Variants in CACNB2 observed in about 807,000 individuals in gnomAD.
CACNB2 encodes voltage-dependent L-type calcium channel subunit beta-2.
Under a neutral mutation model 73.3 loss-of-function variants are expected in CACNB2, and 42 were observed. That is an observed-to-expected ratio of 0.57 (90% CI 0.45 to 0.74). The LOEUF (loss-of-function observed/expected upper bound fraction) is 0.74. CACNB2 is among the 30% of genes least tolerant of loss of function. The pLI is 0.00. For missense variants in CACNB2, 940 were observed against 853.0 expected (o/e 1.10, Z -1.27); for synonymous variants, 348 against 310.3 (o/e 1.12, Z -1.28).
intron 2 of CACNB2, among the ~76,000 whole-genome samples, chr10:18,193,739 G>A (rs1394525070): frequency 3.3e-5 from 5 of 152,098 alleles, no homozygotes; most frequent in Non-Finnish European, 7.4e-5. Flanking sequence ...AAGCTTTCTG[G>A]ACAAACAGAT....
intron 2 of CACNB2, among the ~76,000 whole-genome samples, chr10:18,196,718 A>G (rs2034642785): frequency 6.6e-6 from 1 of 152,176 alleles, no homozygotes; most frequent in Non-Finnish European, 1.5e-5. Context: ...AAACAAACTC[A>G]TCTTCCTTCC....
intron 3 of CACNB2, among the ~76,000 whole-genome samples, chr10:18,494,619 G>A (rs1476664017): frequency 2.2e-5 from 3 of 138,502 alleles, no homozygotes; most frequent in East Asian, 2.1e-4. Context: ...GTGACAGAGT[G>A]AGACTCCGTC....
Position 18,413,075 on chromosome 10 carries a change from G to A in CACNB2, c.333+11032G>A, listed in dbSNP as rs12242405. Among the ~76,000 whole-genome samples the A allele has an allele frequency of 6.1e-3, 924 of 152,248 alleles. 7 individuals are homozygous for A. The highest frequency in any genetic ancestry group is 0.021 in the African/African-American group (875 of 41,546). On this transcript the variant is annotated intron_variant, in intron 3 of 13. Coordinates refer to ENST00000324631, the MANE Select transcript of CACNB2 (RefSeq NM_201596.3). ...AACTTCTGCCCCCCGGGTTCAAGTC[G>A]TTCTCCTGCCTCAGCCTTCCAAGTA...
At chr10:18,156,550 T>C (rs2032055828) in intron 2 of CACNB2, among the ~76,000 whole-genome samples, 2 of 152,198 alleles carry the variant, frequency 1.3e-5, no homozygotes, top group Non-Finnish European at 2.9e-5. Context: ...ATAGGGGTCA[T>C]TGGCTGTGCG....
At chr10:18,263,635 C>G (rs948048436) in intron 2 of CACNB2, among the ~76,000 whole-genome samples, 1 of 152,190 alleles carries the variant, frequency 6.6e-6, no homozygotes. Flanking sequence ...TCCTCCTACT[C>G]AAACATTGTC....
In CACNB2 at chr10:18,212,135, G is replaced by A. The variant is rs370942237; in HGVS notation, c.213+61160G>A. Reference sequence around the variant, plus strand: ...CAGTGGGGAAGTTCTGCTTAAGGCCGACCTTGGAGTGGAATGGCTTAGTTG... The same window carrying A: ...CAGTGGGGAAGTTCTGCTTAAGGCCAACCTTGGAGTGGAATGGCTTAGTTG... On this transcript the variant is annotated intron_variant, in intron 2 of 13. Transcript: ENST00000324631. Among the ~76,000 whole-genome samples the A allele has an allele frequency of 7.9e-5, 12 of 152,222 alleles. No individual in the cohort carries two copies. In the East Asian group the frequency reaches 1.5e-3, roughly 20 times the overall value.
intron 2 of CACNB2, among the ~76,000 whole-genome samples, chr10:18,269,907 G>T (rs1277742): frequency 6.6e-6 from 1 of 152,050 alleles, no homozygotes; most frequent in Non-Finnish European, 1.5e-5. Flanking sequence ...AATCATGTTC[G>T]ATCATTGCTA....
At chr10:18,430,286 A>C (rs1327082666) in intron 3 of CACNB2, among the ~76,000 whole-genome samples, 1 of 152,158 alleles carries the variant, frequency 6.6e-6, no homozygotes, top group East Asian at 1.9e-4. Context: ...CTCTAGTCAC[A>C]CAGCATGTTT....
At chr10:18,168,394 C>A (rs1041267931) in intron 2 of CACNB2, among the ~76,000 whole-genome samples, 1 of 152,098 alleles carries the variant, frequency 6.6e-6, no homozygotes, top group Non-Finnish European at 1.5e-5. Context: ...GTAATTTTCC[C>A]CCCAAAATTG....
chr10:18,207,732 T>C (rs1198918678), intron 2 of CACNB2, among the ~76,000 whole-genome samples: 1 of 152,254 alleles, frequency 6.6e-6, no homozygotes, highest in Non-Finnish European at 1.5e-5. Flanking sequence ...TGATGTATTA[T>C]GTTGCATGTT....
At chr10:18,528,105 A>C (rs2133233158) in intron 10 of CACNB2, among the ~76,000 whole-genome samples, 1 of 152,352 alleles carries the variant, frequency 6.6e-6, no homozygotes, top group East Asian at 1.9e-4. Context: ...ATATGTGCTC[A>C]ATAAATGATA....
chr10:18,321,989 C>CA (rs2040414048), intron 2 of CACNB2, among the ~76,000 whole-genome samples: 1 of 152,032 alleles, frequency 6.6e-6, no homozygotes, highest in Admixed American at 6.6e-5. Context: ...TCTGTCTCTA[C>CA]AAAAAATTAT....
At chr10:18,438,288 C>T (rs2046250082) in intron 3 of CACNB2, among the ~76,000 whole-genome samples, 1 of 151,516 alleles carries the variant, frequency 6.6e-6, no homozygotes, top group Admixed American at 6.6e-5. Flanking sequence ...CTCGGCCTCC[C>T]AAAGGGCTGG....
chr10:18,494,656 A>G (rs1046793215), intron 3 of CACNB2, among the ~76,000 whole-genome samples: 8 of 151,186 alleles, frequency 5.3e-5, no homozygotes, highest in Non-Finnish European at 7.4e-5. Context: ...AAAAGAAAAG[A>G]AAAGAAACAT....
In CACNB2 at chr10:18,214,212, G is replaced by A. The variant is rs1302185578; in HGVS notation, c.213+63237G>A. Among the ~76,000 whole-genome samples, 4 of 78,858 alleles carry A rather than the reference G, an allele frequency of 5.1e-5. 1 individual carries two copies. Among genetic ancestry groups the A allele is most frequent in the African/African-American group, 1.2e-4 (4 of 33,832 alleles). 51.7% of individuals were successfully genotyped at this position (78,858 alleles called of 152,430 possible). ...GGGTTTCAAATTCATTTTTTAAAAC[G>A]GGGGCAGCACATCCCGGTTCTGATT... On this transcript the variant is annotated intron_variant, in intron 2 of 13. Transcript: ENST00000324631.
At chr10:18,473,012 A>G (rs2048269884) in intron 3 of CACNB2, among the ~76,000 whole-genome samples, 1 of 152,196 alleles carries the variant, frequency 6.6e-6, no homozygotes, top group Admixed American at 6.5e-5. Flanking sequence ...GGAGAGTTCC[A>G]TTCCTGAATG....
chr10:18,512,610 G>A (rs776407052), intron 6 of CACNB2, among the ~76,000 whole-genome samples: 12 of 152,142 alleles, frequency 7.9e-5, no homozygotes, highest in Middle Eastern at 3.2e-3. Context: ...GATTTTAAAT[G>A]ATAACTAGGC....
intron 2 of CACNB2, among the ~76,000 whole-genome samples, chr10:18,349,212 C>T (rs1328168754): frequency 1.3e-5 from 2 of 152,204 alleles, no homozygotes; most frequent in Non-Finnish European, 2.9e-5. Flanking sequence ...TGATAAGATT[C>T]AGAGTTCCCC....
At chr10:18,405,461 A>AT (rs1316321745) in intron 3 of CACNB2, among the ~76,000 whole-genome samples, 3 of 152,078 alleles carry the variant, frequency 2.0e-5, no homozygotes, top group Admixed American at 6.5e-5. Flanking sequence ...TCCTGTATAT[A>AT]TTTTTTTGTG....
Sources: gnomAD v4.1 joint callset for allele counts (sites outside exome capture counted in the v4.1 genomes callset) on GRCh38, gnomAD v4.1.1 for gene constraint, MANE v1.5 for transcripts, NCBI Gene and HGNC (gene_info 2026-07-23, HGNC 2026-07-21) for gene names.